PLD5: variants seen among roughly 807,000 people sequenced by gnomAD.
PLD5 encodes the protein inactive phospholipase D5.
In PLD5, 36 loss-of-function variants were observed where a neutral mutation model predicts 61.1. That is an observed-to-expected ratio of 0.59 (90% CI 0.45 to 0.78). PLD5 has a LOEUF of 0.78. Among genes scored for constraint, PLD5 ranks in the 30% least tolerant of loss-of-function variants. The probability of loss-of-function intolerance (pLI) is 0.00; values close to 1 mark genes in which losing one functional copy is unlikely to be tolerated. For synonymous variants in PLD5, 243 were observed against 242.8 expected, an observed-to-expected ratio of 1.00 and a Z score of -0.01; for missense variants, 515 against 644.4, an observed-to-expected ratio of 0.80 and a Z score of 2.17.
chr1:242,101,097 G>A (rs1252323262), intron 8 of PLD5, among the ~76,000 whole-genome samples: 5 of 152,116 alleles, frequency 3.3e-5, no homozygotes, highest in Non-Finnish European at 7.3e-5. Context: ...TATTCATCGG[G>A]GTGCCAGCTT....
intron 1 of PLD5, among the ~76,000 whole-genome samples, chr1:242,500,546 G>A (rs1668520573): frequency 6.6e-6 from 1 of 152,186 alleles, no homozygotes; most frequent in Admixed American, 6.5e-5. Flanking sequence ...GATCAAAGAT[G>A]CAACAGAAAT....
chr1:242,237,478 T>C (rs1252873034), intron 4 of PLD5, among the ~76,000 whole-genome samples: 1 of 152,048 alleles, frequency 6.6e-6, no homozygotes, highest in Non-Finnish European at 1.5e-5. Context: ...CAGCATGAGG[T>C]AGAGCTTTCT....
chr1:242,520,373 G>C (rs1244045311), intron 1 of PLD5, among the ~76,000 whole-genome samples: 1 of 152,146 alleles, frequency 6.6e-6, no homozygotes, highest in Non-Finnish European at 1.5e-5. Flanking sequence ...GTTCGTTCCT[G>C]CACTACAGAC....
intron 5 of PLD5, among the ~76,000 whole-genome samples, chr1:242,158,117 C>A (rs1665532317): frequency 6.6e-6 from 1 of 152,190 alleles, no homozygotes; most frequent in East Asian, 1.9e-4. Context: ...GAGGGTAAAA[C>A]CACCTAATCA....
At chr1:242,372,819 A>C (rs1661712686) in intron 1 of PLD5, among the ~76,000 whole-genome samples, 1 of 135,674 alleles carries the variant, frequency 7.4e-6, no homozygotes, top group South Asian at 2.6e-4. Context: ...CTTAAATGTC[A>C]GACCTAAAAC....
intron 1 of PLD5, among the ~76,000 whole-genome samples, chr1:242,443,050 C>T (rs1312782335): frequency 6.6e-6 from 1 of 152,152 alleles, no homozygotes; most frequent in Non-Finnish European, 1.5e-5. Flanking sequence ...ACAAGCTATA[C>T]ATTCTATGAA....
intron 1 of PLD5, among the ~76,000 whole-genome samples, chr1:242,473,937 C>T (rs998665027): frequency 2.6e-5 from 4 of 151,920 alleles, no homozygotes; most frequent in Admixed American, 6.6e-5. Context: ...TTCCATTACC[C>T]GAGACAATAG....
chr1:242,390,308 T>C (rs1006580364), intron 1 of PLD5, among the ~76,000 whole-genome samples: 1 of 152,232 alleles, frequency 6.6e-6, no homozygotes, highest in East Asian at 1.9e-4. Flanking sequence ...AGCTCCTTCT[T>C]AGGGTAACCT....
chr1:242,188,051 AGAC>A (rs144894815), intron 5 of PLD5, among the ~76,000 whole-genome samples: 2,914 of 152,246 alleles, frequency 0.019, 99 homozygotes, highest in African/African-American at 0.067. Context: ...AGAAGCAGAC[AGAC>A]GTCATTAGGG....
chr1:242,503,640 T>C (rs1159325097), intron 1 of PLD5, among the ~76,000 whole-genome samples: 3 of 152,156 alleles, frequency 2.0e-5, no homozygotes. Flanking sequence ...TCCGTTTCCC[T>C]TGCCAGCAAC....
intron 1 of PLD5, among the ~76,000 whole-genome samples, chr1:242,441,569 A>C (rs1162289300): frequency 1.3e-5 from 2 of 152,132 alleles, no homozygotes; most frequent in African/African-American, 4.8e-5. Context: ...GCCCTTTTTC[A>C]TCTTCCCTTA....
chr1:242,298,727 C>CA, intron 2 of PLD5, among the ~76,000 whole-genome samples: 1 of 152,166 alleles, frequency 6.6e-6, no homozygotes, highest in South Asian at 2.1e-4. Context: ...CTTATTCTAG[C>CA]AAGGAGCCCC....
At chr1:242,353,823 A>G (rs1240935604) in intron 1 of PLD5, among the ~76,000 whole-genome samples, 2 of 151,952 alleles carry the variant, frequency 1.3e-5, no homozygotes, top group Non-Finnish European at 2.9e-5. Flanking sequence ...TTGGTGTAAA[A>G]GTCTTTCACC....
chr1:242,310,336 TC>T (rs1312216792), intron 2 of PLD5, among the ~76,000 whole-genome samples: 14 of 152,110 alleles, frequency 9.2e-5, no homozygotes, highest in Non-Finnish European at 1.8e-4. Flanking sequence ...CTGGATATCT[TC>T]CCAGAAAGAC....
At chr1:242,372,721 G>A (rs1427469886) in intron 1 of PLD5, among the ~76,000 whole-genome samples, 1 of 152,124 alleles carries the variant, frequency 6.6e-6, no homozygotes, top group Non-Finnish European at 1.5e-5. Context: ...AAATGGTGCT[G>A]GGAAAACTGG....
At chr1:242,327,449 G>A (rs1314712413) in intron 2 of PLD5, among the ~76,000 whole-genome samples, 3 of 152,282 alleles carry the variant, frequency 2.0e-5, no homozygotes, top group South Asian at 2.1e-4. Context: ...AAAATATAGT[G>A]AGCTGCAATT....
intron 1 of PLD5, among the ~76,000 whole-genome samples, chr1:242,485,153 A>G (rs1448039693): frequency 6.6e-6 from 1 of 152,202 alleles, no homozygotes; most frequent in African/African-American, 2.4e-5. Context: ...CTGGCACAAG[A>G]CAGGGATGCC....
At chr1:242,488,800 G>C (rs1668047523) in intron 1 of PLD5, among the ~76,000 whole-genome samples, 1 of 152,132 alleles carries the variant, frequency 6.6e-6, no homozygotes, top group Non-Finnish European at 1.5e-5. Context: ...ACTAATGCAA[G>C]ATATTAATGA....
intron 1 of PLD5, among the ~76,000 whole-genome samples, chr1:242,395,151 T>C (rs1663495190): frequency 6.7e-6 from 1 of 148,972 alleles, no homozygotes; most frequent in Non-Finnish European, 1.5e-5. Flanking sequence ...TAAATAGAGC[T>C]ATTCCTAAAA....
Sources: gnomAD v4.1 joint callset for allele counts (sites outside exome capture counted in the v4.1 genomes callset) on GRCh38, gnomAD v4.1.1 for gene constraint, MANE v1.5 for transcripts, NCBI Gene and HGNC (gene_info 2026-07-23, HGNC 2026-07-21) for gene names.